GALNTL6: variants seen among roughly 807,000 people sequenced by gnomAD.
GALNTL6 encodes polypeptide N-acetylgalactosaminyltransferase-like 6.
A neutral mutation model predicts 73.7 loss-of-function variants in GALNTL6; 46 were observed. The observed-to-expected ratio is 0.62, with a 90% CI of 0.49 to 0.80. The LOEUF is 0.80. Among genes scored for constraint, GALNTL6 ranks in the 30% least tolerant of loss-of-function variants. The probability of loss-of-function intolerance (pLI) is 0.00; values close to 1 mark genes in which losing one functional copy is unlikely to be tolerated. For missense variants in GALNTL6, 604 were observed against 755.0 expected, an observed-to-expected ratio of 0.80 and a Z score of 2.34; for synonymous variants, 259 against 263.7, an observed-to-expected ratio of 0.98 and a Z score of 0.17.
chr4:172,349,902 C>T (rs1035308502), intron 5 of GALNTL6, among the ~76,000 whole-genome samples: 1 of 151,038 alleles, frequency 6.6e-6, no homozygotes, highest in Non-Finnish European at 1.5e-5. Context: ...AGGTTTTTGT[C>T]TCGTGTTGCA....
chr4:172,952,079 G>C lies in GALNTL6; in HGVS notation c.1192G>C (p.Glu398Gln), dbSNP rs1749471044. ...TGAGACCTGGATGGATGAATTTGCCGAGTACATTTACCAGCGGCGGCCGGA... is the reference window on the plus strand; with the variant it reads ...TGAGACCTGGATGGATGAATTTGCCCAGTACATTTACCAGCGGCGGCCGGA... ...VAETWMDEFA[E>Q]YIYQRRPEYR... is the part of the protein sequence containing the mutation. The change falls in exon 10 of 13, where the codon GAG (glutamate) becomes CAG (glutamine). Residue 398 changes from glutamate to glutamine, a missense_variant. By Grantham distance (29) the Glu-to-Gln change is conservative (BLOSUM62 2). Coordinates refer to ENST00000506823, the MANE Select transcript of GALNTL6 (RefSeq NM_001034845.3). The C allele has an allele frequency of 6.2e-7, 1 of 1,613,876 alleles. No homozygotes were observed. The highest frequency in any genetic ancestry group is 1.3e-5 in the African/African-American group (1 of 74,858).
chr4:172,892,619 T>C (rs2111217000), intron 8 of GALNTL6, among the ~76,000 whole-genome samples: 1 of 146,126 alleles, frequency 6.8e-6, no homozygotes, highest in East Asian at 1.9e-4. Context: ...TTTTTTTTTT[T>C]TTTAACTGCT....
At chr4:172,350,061 G>A (rs897508025) in intron 5 of GALNTL6, among the ~76,000 whole-genome samples, 2 of 151,996 alleles carry the variant, frequency 1.3e-5, no homozygotes, top group African/African-American at 4.8e-5. Flanking sequence ...ATTACCTCAG[G>A]CTAAAGATAG....
intron 3 of GALNTL6, among the ~76,000 whole-genome samples, chr4:172,298,745 G>A (rs1218059784): frequency 2.0e-5 from 3 of 152,144 alleles, no homozygotes; most frequent in South Asian, 4.2e-4. Context: ...TAAGCTTTTT[G>A]ATGTGCTGCT....
intron 5 of GALNTL6, among the ~76,000 whole-genome samples, chr4:172,357,282 T>C (rs1468897658): frequency 6.6e-6 from 1 of 152,198 alleles, no homozygotes; most frequent in Non-Finnish European, 1.5e-5. Flanking sequence ...TTGAGGTACT[T>C]AAATGGATTT....
rs71244911 is a variant in GALNTL6 at position 171,967,450 on chromosome 4, T to TTTTTTTTGTTG, written c.138+152739_138+152740insGTTGTTTTTTT. ...TGTAGTTTTCTTCCCCCTATGGGTT[T>TTTTTTTTGTTG]TTTTTTTTTTTTTTTGTAGATGTAG... On this transcript the variant is annotated intron_variant, in intron 2 of 12. Coordinates refer to ENST00000506823, the MANE Select transcript of GALNTL6 (RefSeq NM_001034845.3). Among the ~76,000 whole-genome samples, 36 of 133,394 alleles carry TTTTTTTTGTTG rather than the reference T, an allele frequency of 2.7e-4. 1 individual carries two copies. The highest frequency in any genetic ancestry group is 1.7e-3 in the East Asian group (8 of 4,606). The allele number at this position is 133,394 out of a possible 152,430, so 87.5% of individuals were successfully genotyped here.
chr4:172,870,994 G>C lies in GALNTL6; in HGVS notation c.924-11796G>C, dbSNP rs536689714. ...TACAAATGATTTTCAAACATGTTTT[G>C]TTCAGACCCAGAGTGTTTCACCTGC... On this transcript the variant is annotated intron_variant, in intron 7 of 12. Transcript: ENST00000506823. Among the ~76,000 whole-genome samples, 6 of 152,288 alleles carry C rather than the reference G, an allele frequency of 3.9e-5. No homozygotes were observed. The East Asian group carries it at 1.2e-3, about 29-fold the overall frequency.
chr4:172,911,049 C>T (rs1747172625), intron 8 of GALNTL6, among the ~76,000 whole-genome samples: 1 of 152,204 alleles, frequency 6.6e-6, no homozygotes, highest in Admixed American at 6.5e-5. Flanking sequence ...CACTTGGTTC[C>T]CAAGACAAAC....
At chr4:173,022,188 G>GAA (rs1753041145) in intron 12 of GALNTL6, among the ~76,000 whole-genome samples, 4 of 143,574 alleles carry the variant, frequency 2.8e-5, no homozygotes, top group East Asian at 2.0e-4. Context: ...AGGGAGGGAG[G>GAA]GAGGAAGGAA....
At chr4:172,717,834 G>A (rs1020318601) in intron 5 of GALNTL6, among the ~76,000 whole-genome samples, 4 of 152,258 alleles carry the variant, frequency 2.6e-5, no homozygotes, top group South Asian at 2.1e-4. Context: ...AAAACCCTAC[G>A]AGACTTTAAA....
intron 5 of GALNTL6, among the ~76,000 whole-genome samples, chr4:172,610,030 C>T (rs962695785): frequency 6.6e-6 from 1 of 151,918 alleles, no homozygotes; most frequent in Non-Finnish European, 1.5e-5. Context: ...TCTTTGAGGT[C>T]AGTGGTAATG....
chr4:171,994,619 G>A (rs1210035414), intron 2 of GALNTL6, among the ~76,000 whole-genome samples: 1 of 151,920 alleles, frequency 6.6e-6, no homozygotes, highest in Non-Finnish European at 1.5e-5. Context: ...CACCAGTAAA[G>A]AACGTATCCA....
chr4:172,165,436 T>C (rs1392579575), intron 2 of GALNTL6, among the ~76,000 whole-genome samples: 4 of 152,180 alleles, frequency 2.6e-5, no homozygotes, highest in Non-Finnish European at 4.4e-5. Context: ...CACCACATCA[T>C]AGCTGTTCTC....
At chr4:172,861,973 G>T (rs894996421) in intron 7 of GALNTL6, among the ~76,000 whole-genome samples, 7 of 152,188 alleles carry the variant, frequency 4.6e-5, no homozygotes, top group African/African-American at 1.4e-4. Flanking sequence ...ATAGAATGGG[G>T]TGCTTCTGAA....
intron 2 of GALNTL6, among the ~76,000 whole-genome samples, chr4:171,855,505 T>C (rs1735664103): frequency 6.6e-6 from 1 of 152,244 alleles, no homozygotes; most frequent in Non-Finnish European, 1.5e-5. Flanking sequence ...GTAGTACAGT[T>C]TTTATGTATT....
At chr4:172,670,008 T>C (rs573033710) in intron 5 of GALNTL6, among the ~76,000 whole-genome samples, 31 of 152,352 alleles carry the variant, frequency 2.0e-4, no homozygotes, top group African/African-American at 7.2e-4. Context: ...GTTCTTCTTT[T>C]GTATTGCTGC....
intron 5 of GALNTL6, among the ~76,000 whole-genome samples, chr4:172,365,728 T>C (rs1742534280): frequency 6.6e-6 from 1 of 150,414 alleles, no homozygotes; most frequent in Admixed American, 6.6e-5. Context: ...AAAATCAAAA[T>C]GTATGTAGTG....
At chr4:172,500,231 A>G (rs923432073) in intron 5 of GALNTL6, among the ~76,000 whole-genome samples, 16 of 152,152 alleles carry the variant, frequency 1.1e-4, no homozygotes, top group African/African-American at 3.9e-4. Flanking sequence ...GACCAGCCTG[A>G]GCAACATAAT....
intron 5 of GALNTL6, among the ~76,000 whole-genome samples, chr4:172,578,636 G>T (rs182349840): frequency 1.5e-4 from 23 of 152,298 alleles, no homozygotes; most frequent in African/African-American, 5.3e-4. Flanking sequence ...AACAAGAGCT[G>T]ATTTATTGAA....
Sources: gnomAD v4.1 joint callset for allele counts (sites outside exome capture counted in the v4.1 genomes callset) on GRCh38, gnomAD v4.1.1 for gene constraint, MANE v1.5 for transcripts, NCBI Gene and HGNC (gene_info 2026-07-23, HGNC 2026-07-21) for gene names.